Variants in KDM4C observed in about 807,000 individuals in gnomAD.
KDM4C encodes lysine-specific demethylase 4C.
In KDM4C, 81 loss-of-function variants were observed where a neutral mutation model predicts 129.3. The ratio of observed to expected loss-of-function variants is 0.63; its 90% CI spans 0.52 to 0.75. The LOEUF is 0.75. KDM4C is among the 30% of genes least tolerant of loss of function. KDM4C has a pLI of 0.00. For synonymous variants in KDM4C, 573 were observed against 456.1 expected (o/e 1.26, Z -3.26); for missense variants, 1,457 against 1,304.0 (o/e 1.12, Z -1.81).
intron 15 of KDM4C, among the ~76,000 whole-genome samples, chr9:7,024,457 A>G (rs1050232772): frequency 2.6e-5 from 4 of 151,704 alleles, no homozygotes; most frequent in African/African-American, 4.8e-5. Flanking sequence ...AGCATTAGGT[A>G]TATCACCTAA....
At chr9:6,851,178 T>A (rs1222799992) in intron 5 of KDM4C, among the ~76,000 whole-genome samples, 1 of 152,160 alleles carries the variant, frequency 6.6e-6, no homozygotes, top group African/African-American at 2.4e-5. Context: ...GGAGTCTTAG[T>A]GTGTTGTCCA....
chr9:6,972,012 G>A (rs555309916), intron 8 of KDM4C, among the ~76,000 whole-genome samples: 5 of 152,086 alleles, frequency 3.3e-5, no homozygotes, highest in African/African-American at 9.7e-5. Context: ...TCTTCACCGA[G>A]TGTAGGTTTT....
intron 8 of KDM4C, among the ~76,000 whole-genome samples, chr9:6,927,086 ATTT>A (rs752777682): frequency 8.1e-6 from 1 of 123,454 alleles, no homozygotes; most frequent in Non-Finnish European, 1.8e-5. Context: ...TTCAAAAAAA[ATTT>A]TCTATCTATC....
At chr9:7,027,432 C>T (rs189169804) in intron 15 of KDM4C, among the ~76,000 whole-genome samples, 1 of 152,316 alleles carries the variant, frequency 6.6e-6, no homozygotes, top group East Asian at 1.9e-4. Context: ...TTCTTCCAAA[C>T]AAAGGGAGTC....
At position 6,901,410 on chromosome 9, in the gene KDM4C, G is replaced by A. The variant is rs1817390993; in HGVS notation, c.921+8178G>A. ...TGTCAGATATGTGCTCCTAGGGTTG[G>A]TGTAGCAGCTCAGCAACCTCATGAG... On this transcript the variant is annotated intron_variant, in intron 8 of 21. Transcript: ENST00000381309. Among the ~76,000 whole-genome samples the A allele has an allele frequency of 2.6e-5, 4 of 152,184 alleles. No homozygotes were observed. In the South Asian group the frequency reaches 8.3e-4, roughly 32 times the overall value.
intron 8 of KDM4C, among the ~76,000 whole-genome samples, chr9:6,931,620 C>T (rs1341666756): frequency 6.6e-6 from 1 of 152,102 alleles, no homozygotes; most frequent in Non-Finnish European, 1.5e-5. Context: ...TCCACCTCAG[C>T]CTCCTGAGTA....
intron 17 of KDM4C, among the ~76,000 whole-genome samples, chr9:7,055,563 A>G (rs1830759140): frequency 6.6e-6 from 1 of 152,222 alleles, no homozygotes; most frequent in Admixed American, 6.5e-5. Flanking sequence ...ACCTGAAGGC[A>G]AATAATAGTG....
At chr9:7,139,491 G>T (rs1841532066) in intron 19 of KDM4C, among the ~76,000 whole-genome samples, 1 of 152,138 alleles carries the variant, frequency 6.6e-6, no homozygotes, top group African/African-American at 2.4e-5. Context: ...CAGACTATAA[G>T]AGAACTATGG....
chr9:6,808,890 A>C (rs1830634685), intron 3 of KDM4C, among the ~76,000 whole-genome samples: 1 of 152,034 alleles, frequency 6.6e-6, no homozygotes, highest in South Asian at 2.1e-4. Context: ...TCTTTTAAAA[A>C]ATTCTGATAT....
intron 16 of KDM4C, among the ~76,000 whole-genome samples, chr9:7,047,426 CA>C (rs57949670): frequency 0.098 from 14,955 of 151,950 alleles, 948 homozygotes; most frequent in East Asian, 0.18. Flanking sequence ...TTAAAGGGAT[CA>C]GGTGGAGAAT....
intron 2 of KDM4C, among the ~76,000 whole-genome samples, chr9:6,798,894 C>T (rs532736991): frequency 1.3e-3 from 189 of 150,566 alleles, no homozygotes; most frequent in African/African-American, 3.6e-3. Context: ...ACGGGGCGGC[C>T]GGGCAGAGAC....
Position 6,734,986 on chromosome 9 carries a change from A to G in KDM4C, c.49+13989A>G, listed in dbSNP as rs543942805. ...AACACATCAACTCCAACCACACTCAAGTTGATAGGGTTTGGGTATTACTGC... is the reference window on the plus strand; with the variant it reads ...AACACATCAACTCCAACCACACTCAGGTTGATAGGGTTTGGGTATTACTGC... On this transcript the variant is annotated intron_variant, in intron 1 of 17. Transcript: ENST00000536108. 63 of 564,224 alleles carry G rather than the reference A, an allele frequency of 1.1e-4. 1 individual carries two copies. The highest frequency in any genetic ancestry group is 8.5e-4 in the South Asian group (61 of 71,716). 35.0% of individuals were successfully genotyped at this position (564,224 alleles called of 1,614,324 possible). A position where few individuals can be genotyped will look rare whatever the true frequency, so the allele number is the denominator to read the frequency against.
chr9:7,000,909 A>G (rs1481771577), intron 12 of KDM4C, among the ~76,000 whole-genome samples: 1 of 152,204 alleles, frequency 6.6e-6, no homozygotes, highest in Non-Finnish European at 1.5e-5. Flanking sequence ...AAATTTTAAT[A>G]TTGTGGTGAC....
intron 5 of KDM4C, among the ~76,000 whole-genome samples, chr9:6,873,489 C>T (rs1843080881): frequency 6.6e-6 from 1 of 152,238 alleles, no homozygotes. Flanking sequence ...ATCAGCAGCA[C>T]TTGCTGTTTC....
chr9:7,052,074 A>T (rs1035055659), intron 17 of KDM4C, among the ~76,000 whole-genome samples: 1 of 152,212 alleles, frequency 6.6e-6, no homozygotes, highest in Non-Finnish European at 1.5e-5. Context: ...TTTTTAGAGA[A>T]TATCTTGGTT....
chr9:7,133,398 C>A (rs969759844), intron 19 of KDM4C, among the ~76,000 whole-genome samples: 7 of 152,058 alleles, frequency 4.6e-5, no homozygotes, highest in African/African-American at 1.5e-4. Flanking sequence ...GTCCCAGCAT[C>A]TTTTAGACTT....
rs370537760 is a variant in KDM4C, at chr9:7,174,612, G to A, written c.3054G>A (p.Gly1018=). 2.4e-5 allele frequency: 39 copies of A among 1,614,028 alleles called. No homozygotes were observed. In the Middle Eastern group the frequency reaches 6.6e-4, roughly 27 times the overall value. The part of the protein sequence containing the change: ...DTFYGADIIQ[G]ERKRQRVLSS... The stretch of plus-strand genomic sequence containing the variant: ...TTTATGGAGCAGACATTATCCAAGG[G>A]GAGAGAAAGAGACAAAGAGTGCTGA... The change falls in exon 22 of 22, where the codon GGG becomes GGA. Residue 1018 remains glycine, a synonymous_variant. Coordinates refer to ENST00000381309, the MANE Select transcript of KDM4C (RefSeq NM_015061.6).
intron 12 of KDM4C, among the ~76,000 whole-genome samples, chr9:7,011,425 A>G (rs1249168470): frequency 6.6e-6 from 1 of 152,144 alleles, no homozygotes; most frequent in African/African-American, 2.4e-5. Context: ...GGAAGGAGGG[A>G]ACAGTGTAAT....
At chr9:6,854,573 C>T (rs974382360) in intron 5 of KDM4C, among the ~76,000 whole-genome samples, 1 of 141,448 alleles carries the variant, frequency 7.1e-6, no homozygotes, top group Non-Finnish European at 1.5e-5. Flanking sequence ...TTCAAATTTA[C>T]TCTGTAGAGA....
Sources: gnomAD v4.1 joint callset for allele counts (sites outside exome capture counted in the v4.1 genomes callset) on GRCh38, gnomAD v4.1.1 for gene constraint, MANE v1.5 for transcripts, NCBI Gene and HGNC (gene_info 2026-07-23, HGNC 2026-07-21) for gene names.